CCDC32: variants seen among roughly 807,000 people sequenced by gnomAD.
CCDC32 encodes coiled-coil domain containing 32.
CCDC32 carries 9 observed loss-of-function variants against 20.1 expected under a neutral mutation model. The observed-to-expected ratio is 0.45, with a 90% CI of 0.27 to 0.78. The LOEUF is 0.78. CCDC32 is among the 30% of genes least tolerant of loss of function. The probability of loss-of-function intolerance (pLI) is 0.16; values close to 1 mark genes in which losing one functional copy is unlikely to be tolerated. For missense variants in CCDC32, 204 were observed against 215.5 expected, an observed-to-expected ratio of 0.95 and a Z score of 0.33; for synonymous variants, 63 against 79.0, an observed-to-expected ratio of 0.80 and a Z score of 1.07.
chr15:40,525,161 C>T (rs560952930), downstream of CCDC32, among the ~76,000 whole-genome samples: 60 of 151,996 alleles, frequency 3.9e-4, no homozygotes, highest in Non-Finnish European at 7.4e-4. Context: ...CAGAGTAGCT[C>T]GGATTACAGG....
downstream of CCDC32, among the ~76,000 whole-genome samples, chr15:40,528,030 T>C (rs1053020366): frequency 6.6e-6 from 1 of 152,196 alleles, no homozygotes; most frequent in Non-Finnish European, 1.5e-5. Context: ...GTCAATTTGA[T>C]AGATAAAAAT....
downstream of CCDC32, chr15:40,534,792 G>A: frequency 1.5e-6 from 1 of 666,678 alleles, no homozygotes; most frequent in Non-Finnish European, 2.7e-6. Flanking sequence ...CCTCCCCAAA[G>A]TTCCATCTCC....
intron 3 of CCDC32, among the ~76,000 whole-genome samples, chr15:40,541,709 G>A (rs1272843677): frequency 6.6e-6 from 1 of 152,162 alleles, no homozygotes; most frequent in Non-Finnish European, 1.5e-5. Context: ...AACACAGGGA[G>A]CTGTCTCATT....
Position 40,553,893 on chromosome 15 carries a change from A to G in CCDC32, c.*78T>C. On this transcript the variant is annotated 3_prime_UTR_variant, in exon 4 of 4. Transcript: ENST00000416810. ...CCACGCTGCTCGCTCTGGACCCGAG[A>G]CAGCTGCTCGGCGTGTGTGTGTGTG... 7.0e-7 allele frequency: 1 copy of G among 1,434,532 alleles called. No homozygotes were observed. The highest frequency in any genetic ancestry group is 9.3e-7 in the Non-Finnish European group (1 of 1,071,690). 88.9% of individuals were successfully genotyped at this position (1,434,532 alleles called of 1,614,324 possible).
downstream of CCDC32, chr15:40,537,301 G>A (rs1020875449): frequency 6.5e-6 from 1 of 152,702 alleles, no homozygotes; most frequent in African/African-American, 2.4e-5. Context: ...GACTCAAGGA[G>A]GGAAGGCAGC....
downstream of CCDC32, among the ~76,000 whole-genome samples, chr15:40,530,453 G>A (rs1206548911): frequency 2.0e-5 from 3 of 150,570 alleles, no homozygotes; most frequent in Non-Finnish European, 4.4e-5. Context: ...GTTTAAAAGA[G>A]CCTGGCACCT....
chr15:40,561,174 G>T (rs529781000), intron 2 of CCDC32, among the ~76,000 whole-genome samples: 2 of 152,180 alleles, frequency 1.3e-5, no homozygotes, highest in East Asian at 1.9e-4. Flanking sequence ...GTACACAAAG[G>T]TATACAAAGT....
intron 3 of CCDC32, among the ~76,000 whole-genome samples, chr15:40,554,958 T>A (rs1890141153): frequency 6.6e-6 from 1 of 152,246 alleles, no homozygotes; most frequent in South Asian, 2.1e-4. Flanking sequence ...GGGGAATTTA[T>A]GTTTTGGATA....
intron 3 of CCDC32, among the ~76,000 whole-genome samples, chr15:40,542,654 G>T (rs990591595): frequency 6.6e-6 from 1 of 151,460 alleles, no homozygotes; most frequent in Non-Finnish European, 1.5e-5. Context: ...GGATCACGAG[G>T]TCAGGAGATT....
downstream of CCDC32, among the ~76,000 whole-genome samples, chr15:40,525,955 T>G (rs1374495297): frequency 6.6e-6 from 1 of 152,020 alleles, no homozygotes; most frequent in Non-Finnish European, 1.5e-5. Context: ...TTTTTTTTTT[T>G]CTCTCCATGA....
chr15:40,528,518 T>A (rs184966461), downstream of CCDC32, among the ~76,000 whole-genome samples: 1 of 152,148 alleles, frequency 6.6e-6, no homozygotes, highest in Admixed American at 6.5e-5. Flanking sequence ...GTGGAATCTG[T>A]TTTGCCTGTG....
intron 1 of CCDC32, 36 bp downstream of exon 1, chr15:40,564,940 C>A (rs1890922186): frequency 4.8e-6 from 4 of 837,876 alleles, no homozygotes; most frequent in Admixed American, 5.3e-5. Flanking sequence ...AGTGGGAGAT[C>A]CAAAACGCTG....
downstream of CCDC32, among the ~76,000 whole-genome samples, chr15:40,532,523 C>G (rs1346295835): frequency 6.6e-6 from 1 of 151,984 alleles, no homozygotes; most frequent in Non-Finnish European, 1.5e-5. Flanking sequence ...CACCATGAGC[C>G]CATCATCTTG....
the CCDC32 span, among the ~76,000 whole-genome samples, chr15:40,522,594 G>A: frequency 6.6e-6 from 1 of 152,194 alleles, no homozygotes; most frequent in Non-Finnish European, 1.5e-5. Context: ...AATGAACATA[G>A]AACGTCTTTC....
chr15:40,553,056 C>T (rs773979458), downstream of CCDC32: 92 of 945,120 alleles, frequency 9.7e-5, no homozygotes, highest in Non-Finnish European at 1.1e-4. Flanking sequence ...CTGGGAACAT[C>T]CTTCCAGGAG....
intron 3 of CCDC32, among the ~76,000 whole-genome samples, chr15:40,555,601 C>G (rs1467570623): frequency 2.0e-5 from 3 of 152,190 alleles, no homozygotes; most frequent in South Asian, 2.1e-4. Flanking sequence ...ATTTCCTGAA[C>G]CCTCAGAGGA....
chr15:40,552,634 G>T (rs1039965919), downstream of CCDC32, among the ~76,000 whole-genome samples: 9 of 151,734 alleles, frequency 5.9e-5, no homozygotes, highest in Admixed American at 3.9e-4. Flanking sequence ...CAATAGCCGG[G>T]TGTAGTGGTT....
downstream of CCDC32, among the ~76,000 whole-genome samples, chr15:40,524,146 C>CTTT (rs66753325): frequency 5.4e-4 from 48 of 89,178 alleles, 4 homozygotes; most frequent in Admixed American, 2.1e-3. Flanking sequence ...CATGCATAAT[C>CTTT]TTTTTTTTTT....
At chr15:40,564,810 A>T in intron 1 of CCDC32, 166 bp downstream of exon 1, 1 of 1,614,036 alleles carries the variant, frequency 6.2e-7, no homozygotes. Context: ...GGGCGTCCAG[A>T]ACCACGCAGG....
Sources: allele counts gnomAD v4.1 joint callset (sites outside exome capture counted in the v4.1 genomes callset), GRCh38; gene constraint gnomAD v4.1.1; transcripts MANE v1.5; gene names NCBI Gene and HGNC (gene_info 2026-07-23, HGNC 2026-07-21).